Variants in KIRREL3 observed in about 807,000 individuals in gnomAD.
KIRREL3 encodes the protein kin of IRRE-like protein 3.
Under a neutral mutation model 89.7 loss-of-function variants are expected in KIRREL3, and 36 were observed. The observed-to-expected ratio is 0.40, with a 90% CI of 0.31 to 0.53. The LOEUF is 0.53. Ranked by LOEUF, KIRREL3 falls within the 20% of genes least tolerant of loss-of-function variation. The probability of loss-of-function intolerance (pLI) is 0.49; values close to 1 mark genes in which losing one functional copy is unlikely to be tolerated. For missense variants in KIRREL3, 864 were observed against 1,056.6 expected (o/e 0.82, Z 2.53); for synonymous variants, 445 against 441.4 (o/e 1.01, Z -0.10).
intron 4 of KIRREL3, among the ~76,000 whole-genome samples, chr11:126,481,578 A>T (rs1383251580): frequency 7.2e-5 from 11 of 152,234 alleles, no homozygotes. Flanking sequence ...TTGGGGACCA[A>T]GTCAGAAATC....
In KIRREL3 at chr11:126,995,271, G is replaced by A; in HGVS notation, c.55+5184C>T. ...GCAAGACAAGAGCTCCAATCACTCT[G>A]CTGCAAGCGCCACCATTAAAGTCAA... On this transcript the variant is annotated intron_variant, in intron 1 of 16. Coordinates refer to ENST00000525144, the MANE Select transcript of KIRREL3 (RefSeq NM_032531.4). The surrounding 1 kb of genome is among the most constrained non-coding windows in gnomAD (Gnocchi z 6.5). The A allele has an allele frequency of 2.2e-6, 1 of 456,186 alleles. No individual in the cohort carries two copies. The highest frequency in any genetic ancestry group is 1.5e-5 in the South Asian group (1 of 64,552). The allele number at this position is 456,186 out of a possible 1,614,324, so 28.3% of individuals were successfully genotyped here. A position where few individuals can be genotyped will look rare whatever the true frequency, so the allele number is the denominator to read the frequency against.
At chr11:126,435,330 C>G (rs1955283664) in intron 12 of KIRREL3, 27 bp from the exon 13 acceptor site, 1 of 1,613,414 alleles carries the variant, frequency 6.2e-7, no homozygotes, top group African/African-American at 1.3e-5. Context: ...CAAGCGTCTA[C>G]AGCCAGGGCC....
In KIRREL3 at chr11:126,612,691, A is replaced by G. The variant is rs548613126; in HGVS notation, c.56-49779T>C. Among the ~76,000 whole-genome samples, 1 of 152,096 alleles carries G rather than the reference A, an allele frequency of 6.6e-6. No homozygotes were observed. Among genetic ancestry groups the G allele is most frequent in the East Asian group, 1.9e-4 (1 of 5,180 alleles). ...TGTCCCCGTCGGTAGCCATTAACCC[A>G]CTTTCTGCCTCTGTGGATTTACCTA... is the stretch of plus-strand genomic sequence containing the variant. On this transcript the variant is annotated intron_variant, in intron 1 of 16. Transcript: ENST00000525144. This position sits in a 1 kb window ranked among gnomAD's most constrained non-coding sequence, Gnocchi z 4.5.
intron 1 of KIRREL3, among the ~76,000 whole-genome samples, chr11:126,727,162 T>G (rs1948420518): frequency 6.6e-6 from 1 of 152,224 alleles, no homozygotes; most frequent in Non-Finnish European, 1.5e-5. Flanking sequence ...ATGAAATGAC[T>G]GAGAAACAGC....
At position 126,431,445 on chromosome 11, in the gene KIRREL3, G is replaced by A. The variant is rs376810262; in HGVS notation, c.1670C>T (p.Ala557Val). The stretch of plus-strand genomic sequence containing the variant: ...TCTCTGGGAACGGGCACAGCAGAAC[G>A]CCACGATGGTTGCCATAAGGACGAG... The part of the protein sequence containing the change: ...AFLVLMATIV[A>V]FCCARSQRNL... The change falls in exon 14 of 17, where the codon GCG becomes GTG. Residue 557 changes from alanine to valine, a missense_variant. Physicochemically the swap from Ala to Val is moderately conservative, Grantham distance 64. Coordinates refer to ENST00000525144, the MANE Select transcript of KIRREL3 (RefSeq NM_032531.4). The surrounding 1 kb of genome is among the most constrained non-coding windows in gnomAD (Gnocchi z 7.1). 8.7e-5 allele frequency: 141 copies of A among 1,613,882 alleles called. No individual in the cohort carries two copies. Among genetic ancestry groups the A allele is most frequent in the Non-Finnish European group, 1.1e-4 (132 of 1,179,886 alleles).
At position 126,747,575 on chromosome 11, in the gene KIRREL3, T is replaced by C. The variant is rs1182166476; in HGVS notation, c.56-184663A>G. On this transcript the variant is annotated intron_variant, in intron 1 of 16. Transcript: ENST00000525144. The surrounding 1 kb of genome is among the most constrained non-coding windows in gnomAD (Gnocchi z 4.7). ...GCAGTGCTCTCTGTGGTCGTGGCTG[T>C]GCTCACAGAAAAGGCACTGTATATC... is the stretch of plus-strand genomic sequence containing the variant. Among the ~76,000 whole-genome samples, 2 of 152,126 alleles carry C rather than the reference T, an allele frequency of 1.3e-5. No individual in the cohort carries two copies. The highest frequency in any genetic ancestry group is 4.8e-5 in the African/African-American group (2 of 41,432).
rs1195089776 is a variant in KIRREL3, at chr11:126,490,230, G to A, written c.434-16764C>T. Among the ~76,000 whole-genome samples the A allele has an allele frequency of 6.9e-6, 1 of 144,398 alleles. No homozygotes were observed. The highest frequency in any genetic ancestry group is 2.1e-4 in the East Asian group (1 of 4,874). 94.7% of individuals were successfully genotyped at this position (144,398 alleles called of 152,430 possible). A position where few individuals can be genotyped will look rare whatever the true frequency, so the allele number is the denominator to read the frequency against. ...TGTGTGTGTGTGTGTGTGTGTGTGT[G>A]GCGGGGGCGGGGGAGGCAAGGCAGC... On this transcript the variant is annotated intron_variant, in intron 4 of 16. Transcript: ENST00000525144. The surrounding 1 kb of genome is among the most constrained non-coding windows in gnomAD (Gnocchi z 4.2).
intron 1 of KIRREL3, among the ~76,000 whole-genome samples, chr11:126,856,579 A>ATATG (rs1944520190): frequency 8.4e-6 from 1 of 118,786 alleles, no homozygotes; most frequent in African/African-American, 2.7e-5. Flanking sequence ...ATATATATAT[A>ATATG]TATATATATA....
chr11:126,923,194 TC>T (rs1565423221), intron 1 of KIRREL3, among the ~76,000 whole-genome samples: 805 of 9,876 alleles, frequency 0.082, 230 homozygotes, highest in South Asian at 0.11. Context: ...CTTCTCTTCT[TC>T]TTCTTCTTCT....
chr11:126,534,411 C>T (rs1045280948), intron 2 of KIRREL3, among the ~76,000 whole-genome samples: 7 of 152,202 alleles, frequency 4.6e-5, no homozygotes, highest in Non-Finnish European at 1.0e-4. Context: ...GGAAACACAG[C>T]GGTCTCTCTC....
chr11:126,816,391 G>A (rs1263644165), intron 1 of KIRREL3, among the ~76,000 whole-genome samples: 1 of 152,174 alleles, frequency 6.6e-6, no homozygotes, highest in Non-Finnish European at 1.5e-5. Context: ...AAGATTCCAT[G>A]GTTTGACAAG....
chr11:126,650,590 A>G (rs1944870260), intron 1 of KIRREL3, among the ~76,000 whole-genome samples: 1 of 152,172 alleles, frequency 6.6e-6, no homozygotes, highest in Admixed American at 6.5e-5. Flanking sequence ...ATTTCCAAAC[A>G]AGTTCCTTAT....
intron 1 of KIRREL3, among the ~76,000 whole-genome samples, chr11:126,916,674 C>T (rs1007770493): frequency 6.6e-6 from 1 of 151,746 alleles, no homozygotes; most frequent in African/African-American, 2.4e-5. Context: ...GATCACGGGA[C>T]AGGAAGTTCC....
rs1485751441 is a variant in KIRREL3, at chr11:126,923,221, T to A, written c.55+77234A>T. Among the ~76,000 whole-genome samples the A allele has an allele frequency of 1.4e-3, 38 of 27,752 alleles. 6 individuals are homozygous for A. Among genetic ancestry groups the A allele is most frequent in the African/African-American group, 1.1e-3 (6 of 5,634 alleles). 18.2% of individuals were successfully genotyped at this position (27,752 alleles called of 152,430 possible). A position where few individuals can be genotyped will look rare whatever the true frequency, so the allele number is the denominator to read the frequency against. ...TTCTTCTTCTTCTTCTTCTTCTTCT[T>A]CTTCTTCTTCTTCTTCTTCTTCTTC... On this transcript the variant is annotated intron_variant, in intron 1 of 16. Transcript: ENST00000525144.
At chr11:126,637,266 A>T (rs1944303076) in intron 1 of KIRREL3, among the ~76,000 whole-genome samples, 1 of 152,212 alleles carries the variant, frequency 6.6e-6, no homozygotes, top group Non-Finnish European at 1.5e-5. Context: ...AGTAACTGGG[A>T]AAATTCAGTA....
intron 1 of KIRREL3, among the ~76,000 whole-genome samples, chr11:126,957,439 T>C (rs535475563): frequency 5.3e-5 from 8 of 152,302 alleles, no homozygotes; most frequent in African/African-American, 1.7e-4. Flanking sequence ...TTGTTGAGTA[T>C]TAATATTTAA....
intron 1 of KIRREL3, among the ~76,000 whole-genome samples, chr11:126,922,714 G>GCAACAACAACAA (rs60734857): frequency 2.0e-5 from 3 of 151,230 alleles, no homozygotes; most frequent in Non-Finnish European, 2.9e-5. Context: ...AGGAGCAGCA[G>GCAACAACAACAA]CAACAACAAC....
In KIRREL3 at chr11:126,484,454, G is replaced by A. The variant is rs1003241431; in HGVS notation, c.434-10988C>T. On this transcript the variant is annotated intron_variant, in intron 4 of 16. Coordinates refer to ENST00000525144, the MANE Select transcript of KIRREL3 (RefSeq NM_032531.4). The surrounding 1 kb of genome is among the most constrained non-coding windows in gnomAD (Gnocchi z 5.2). ...CAGCTCTATATAAGGTAGATACAAT[G>A]ACGATGCATATTTTGGAGGTGAGGA... is the stretch of plus-strand genomic sequence containing the variant. Among the ~76,000 whole-genome samples, 10 of 152,322 alleles carry A rather than the reference G, an allele frequency of 6.6e-5. No individual in the cohort carries two copies. The highest frequency in any genetic ancestry group is 1.5e-4 in the Non-Finnish European group (10 of 68,032).
chr11:126,589,394 T>C (rs1356622267), intron 1 of KIRREL3, among the ~76,000 whole-genome samples: 1 of 152,160 alleles, frequency 6.6e-6, no homozygotes, highest in Non-Finnish European at 1.5e-5. Context: ...CTGCTCCTGG[T>C]CCAGGCAGGC....
Sources: allele counts gnomAD v4.1 joint callset (sites outside exome capture counted in the v4.1 genomes callset), GRCh38; gene constraint gnomAD v4.1.1; non-coding constraint Gnocchi (gnomAD v3.1); transcripts MANE v1.5; gene names NCBI Gene and HGNC (gene_info 2026-07-23, HGNC 2026-07-21).